The following BTRC variants were observed in gnomAD, a reference collection of about 807,000 sequenced individuals.
BTRC encodes F-box/WD repeat-containing protein 1A.
BTRC carries 42 observed loss-of-function variants against 85.5 expected under a neutral mutation model. The ratio of observed to expected loss-of-function variants is 0.49; its 90% CI spans 0.38 to 0.64. The LOEUF (loss-of-function observed/expected upper bound fraction) is 0.64, where lower values mean the gene tolerates loss of function less well. BTRC is among the 30% of genes least tolerant of loss of function. The probability of loss-of-function intolerance (pLI) is 0.00; values close to 1 mark genes in which losing one functional copy is unlikely to be tolerated. For missense variants in BTRC, 594 were observed against 743.5 expected, an observed-to-expected ratio of 0.80 and a Z score of 2.34; for synonymous variants, 255 against 263.3, an observed-to-expected ratio of 0.97 and a Z score of 0.30.
intron 2 of BTRC, among the ~76,000 whole-genome samples, chr10:101,444,761 G>A (rs977166138): frequency 6.6e-6 from 1 of 152,336 alleles, no homozygotes; most frequent in East Asian, 1.9e-4. Context: ...TAGTCCGCCT[G>A]AAAACAAAAA....
chr10:101,367,012 ATATATT>A (rs1469110703), intron 1 of BTRC, among the ~76,000 whole-genome samples: 2 of 79,812 alleles, frequency 2.5e-5, no homozygotes, highest in African/African-American at 9.1e-5. Flanking sequence ...ATATTTATAT[ATATATT>A]TATATTTATA....
At chr10:101,543,932 C>T (rs563876013) in intron 13 of BTRC, among the ~76,000 whole-genome samples, 26 of 152,300 alleles carry the variant, frequency 1.7e-4, no homozygotes, top group African/African-American at 6.0e-4. Flanking sequence ...TTGTTTGAGA[C>T]GGAGTCTTGC....
At position 101,374,234 on chromosome 10, in the gene BTRC, G is replaced by C. The variant is rs1942723468; in HGVS notation, c.48+20006G>C. Among the ~76,000 whole-genome samples the C allele has an allele frequency of 2.0e-5, 3 of 152,070 alleles. No homozygotes were observed. In the South Asian group the frequency reaches 6.2e-4, roughly 32 times the overall value. On this transcript the variant is annotated intron_variant, in intron 1 of 14. Transcript: ENST00000370187. ...TCCTCTCCAGCACTTGTTGTTTCCT[G>C]ACTTTTTAATGATTGCCATTCTGAC...
chr10:101,394,404 A>G (rs944345139), intron 1 of BTRC, among the ~76,000 whole-genome samples: 19 of 152,210 alleles, frequency 1.2e-4, no homozygotes, highest in Non-Finnish European at 2.1e-4. Flanking sequence ...TTCTTTTTGC[A>G]GCATCCTGCT....
At chr10:101,399,113 C>T (rs1022866984) in intron 1 of BTRC, among the ~76,000 whole-genome samples, 12 of 152,024 alleles carry the variant, frequency 7.9e-5, no homozygotes, top group Non-Finnish European at 1.3e-4. Context: ...CCACCATCCC[C>T]GGCTAATTTT....
chr10:101,402,878 G>A (rs1401774088), intron 1 of BTRC, among the ~76,000 whole-genome samples: 1 of 152,150 alleles, frequency 6.6e-6, no homozygotes, highest in African/African-American at 2.4e-5. Context: ...TATAACAATA[G>A]TGTGAGTTTA....
At chr10:101,404,180 G>A (rs936858285) in intron 1 of BTRC, among the ~76,000 whole-genome samples, 19 of 150,966 alleles carry the variant, frequency 1.3e-4, no homozygotes, top group African/African-American at 4.4e-4. Context: ...ACAGGTGCCC[G>A]CCATCATGCC....
In BTRC at chr10:101,553,144, T is replaced by G. The variant is rs2062677434; in HGVS notation, c.*32-11T>G. The G allele has an allele frequency of 6.6e-6, 1 of 152,644 alleles. No individual in the cohort carries two copies. The highest frequency in any genetic ancestry group is 2.4e-5 in the African/African-American group (1 of 41,450). 9.5% of individuals were successfully genotyped at this position (152,644 alleles called of 1,614,324 possible). ...AAGGGGCTAATGACTATTTGCTCTG[T>G]TTTCACACAGGACCCATTAAAGTTG... is the stretch of plus-strand genomic sequence containing the variant. On this transcript the variant is annotated splice_polypyrimidine_tract_variant and intron_variant, in intron 14 of 14. Coordinates refer to ENST00000370187, the MANE Select transcript of BTRC (RefSeq NM_033637.4).
At chr10:101,477,260 C>A (rs891957360) in intron 3 of BTRC, among the ~76,000 whole-genome samples, 1 of 152,062 alleles carries the variant, frequency 6.6e-6, no homozygotes, top group African/African-American at 2.4e-5. Context: ...CTTCGCCCCC[C>A]AAAGTGCTGG....
intron 1 of BTRC, among the ~76,000 whole-genome samples, chr10:101,424,503 T>C (rs1489186096): frequency 1.3e-5 from 2 of 152,234 alleles, no homozygotes; most frequent in Non-Finnish European, 2.9e-5. Context: ...AAACTCTCAG[T>C]ACAGCAATCT....
At chr10:101,519,074 CTTTTTTTTTTT>C (rs35213665) in intron 4 of BTRC, among the ~76,000 whole-genome samples, 1 of 104,936 alleles carries the variant, frequency 9.5e-6, no homozygotes, top group East Asian at 2.6e-4. Context: ...CTCTTCTCAG[CTTTTTTTTTTT>C]TTTTTTTTTT....
At chr10:101,438,649 T>C (rs1349657578) in intron 2 of BTRC, among the ~76,000 whole-genome samples, 1 of 152,172 alleles carries the variant, frequency 6.6e-6, no homozygotes, top group South Asian at 2.1e-4. Flanking sequence ...CTACCCTTTA[T>C]ATGAGCCATT....
chr10:101,403,185 T>G (rs905836919), intron 1 of BTRC, among the ~76,000 whole-genome samples: 2 of 152,232 alleles, frequency 1.3e-5, no homozygotes, highest in African/African-American at 4.8e-5. Context: ...TAAAATTGTA[T>G]TTCTGTTTTC....
At chr10:101,462,176 G>A (rs1026121218) in intron 3 of BTRC, 118 bp downstream of exon 3, 6 of 739,792 alleles carry the variant, frequency 8.1e-6, no homozygotes, top group East Asian at 2.8e-5. Flanking sequence ...GTACTCGGAC[G>A]TTGGCCTGGC....
chr10:101,414,422 T>A (rs1009950929), intron 1 of BTRC, among the ~76,000 whole-genome samples: 4 of 152,180 alleles, frequency 2.6e-5, no homozygotes, highest in African/African-American at 9.7e-5. Flanking sequence ...CATAAAAAAG[T>A]GTAGTACATA....
chr10:101,474,161 T>C (rs1945612195), intron 3 of BTRC, among the ~76,000 whole-genome samples: 1 of 152,196 alleles, frequency 6.6e-6, no homozygotes, highest in Non-Finnish European at 1.5e-5. Flanking sequence ...CTTTTTCTCA[T>C]TTTTAGTAAT....
chr10:101,414,715 C>CTG (rs202078725), intron 1 of BTRC: 5,661 of 503,336 alleles, frequency 0.011, 47 homozygotes, highest in South Asian at 0.016. Context: ...TCCTTGCTCT[C>CTG]TGTGGGCCTA....
intron 2 of BTRC, among the ~76,000 whole-genome samples, chr10:101,449,819 C>CT (rs914032958): frequency 1.2e-3 from 184 of 147,492 alleles, no homozygotes; most frequent in African/African-American, 4.0e-3. Context: ...GTGTGGATTG[C>CT]TTTTTTTTTT....
intron 13 of BTRC, among the ~76,000 whole-genome samples, chr10:101,540,378 G>A (rs1299796696): frequency 1.3e-5 from 2 of 152,158 alleles, no homozygotes; most frequent in African/African-American, 4.8e-5. Context: ...TTATTCAAAA[G>A]ACTGTCCTTT....
Sources: gnomAD v4.1 joint callset for allele counts (sites outside exome capture counted in the v4.1 genomes callset) on GRCh38, gnomAD v4.1.1 for gene constraint, MANE v1.5 for transcripts, NCBI Gene and HGNC (gene_info 2026-07-23, HGNC 2026-07-21) for gene names.